RPS6KC1: variants seen among roughly 807,000 people sequenced by gnomAD.
The protein encoded by RPS6KC1 is ribosomal protein S6 kinase C1.
RPS6KC1 carries 54 observed loss-of-function variants against 103.8 expected under a neutral mutation model. The observed-to-expected ratio is 0.52, with a 90% confidence interval of 0.42 to 0.65. The LOEUF (loss-of-function observed/expected upper bound fraction) is 0.65, where lower values mean the gene tolerates loss of function less well. RPS6KC1 is among the 30% of genes least tolerant of loss of function. RPS6KC1 has a pLI of 0.00. For synonymous variants in RPS6KC1, 439 were observed against 438.7 expected, an observed-to-expected ratio of 1.00 and a Z score of -0.01; for missense variants, 1,151 against 1,253.8, an observed-to-expected ratio of 0.92 and a Z score of 1.24.
the RPS6KC1 span, among the ~76,000 whole-genome samples, chr1:213,776,908 T>G: frequency 0.8 from 121,162 of 152,140 alleles, 48,864 homozygotes; most frequent in East Asian, 0.98. Context: ...TGTACTTTAT[T>G]TTATGGAGAT....
chr1:213,260,771 A>T (rs1283741869), intron 12 of RPS6KC1, among the ~76,000 whole-genome samples: 2 of 151,998 alleles, frequency 1.3e-5, no homozygotes, highest in Non-Finnish European at 2.9e-5. Context: ...AAAAAAAAAA[A>T]AAAGGTGAAA....
chr1:213,843,781 G>T, the RPS6KC1 span, among the ~76,000 whole-genome samples: 3 of 152,170 alleles, frequency 2.0e-5, no homozygotes, highest in African/African-American at 7.2e-5. Flanking sequence ...ATAAGAGAAA[G>T]ATGATTTTCT....
chr1:213,458,795 G>C, the RPS6KC1 span, among the ~76,000 whole-genome samples: 9 of 152,144 alleles, frequency 5.9e-5, no homozygotes, highest in Non-Finnish European at 8.8e-5. Context: ...TCAATACCTA[G>C]TTTATTGAGG....
chr1:213,171,270 A>T (rs1457133533), intron 7 of RPS6KC1, among the ~76,000 whole-genome samples: 1 of 152,032 alleles, frequency 6.6e-6, no homozygotes, highest in African/African-American at 2.4e-5. Context: ...AAGAAAATTT[A>T]GGAGCAGGTT....
At chr1:213,861,302 C>A in the RPS6KC1 span, among the ~76,000 whole-genome samples, 2 of 152,124 alleles carry the variant, frequency 1.3e-5, no homozygotes, top group African/African-American at 2.4e-5. Flanking sequence ...GCTAAACAAA[C>A]TCCCCAAATG....
chr1:213,360,003 T>G, the RPS6KC1 span, among the ~76,000 whole-genome samples: 14 of 152,200 alleles, frequency 9.2e-5, no homozygotes, highest in Non-Finnish European at 2.1e-4. Context: ...TTTCCTTCAT[T>G]TCAACTTTGG....
chr1:213,385,982 ATGTT>A, the RPS6KC1 span, among the ~76,000 whole-genome samples: 136 of 152,234 alleles, frequency 8.9e-4, no homozygotes, highest in African/African-American at 3.2e-3. Flanking sequence ...TGTAGTTTGA[ATGTT>A]TGTGCCCCTA....
Position 213,236,539 on chromosome 1 carries a change from A to G in RPS6KC1, c.1226-4163A>G, listed in dbSNP as rs78002179. 9.2e-3 allele frequency among the ~76,000 whole-genome samples: 1,407 copies of G among 152,300 alleles called. 43 individuals are homozygous for G. The highest frequency in any genetic ancestry group is 0.071 in the East Asian group (368 of 5,186). On this transcript the variant is annotated intron_variant, in intron 10 of 14. Coordinates refer to ENST00000366960, the MANE Select transcript of RPS6KC1 (RefSeq NM_012424.6). ...AGGAGAGAGGTTTAAAATATTTACT[A>G]TTGCTTTTAATAAAGCCCTTTCTTA...
chr1:213,701,071 G>T, the RPS6KC1 span, among the ~76,000 whole-genome samples: 1 of 152,120 alleles, frequency 6.6e-6, no homozygotes, highest in African/African-American at 2.4e-5. Flanking sequence ...GATTACTCTA[G>T]CTAGGACTTC....
At chr1:213,664,060 G>A in the RPS6KC1 span, among the ~76,000 whole-genome samples, 4,224 of 152,238 alleles carry the variant, frequency 0.028, 101 homozygotes, top group East Asian at 0.087. Flanking sequence ...TGCAGATGCC[G>A]CAGGTCACAG....
chr1:213,096,668 G>T (rs1288333889), intron 3 of RPS6KC1, among the ~76,000 whole-genome samples: 1 of 142,626 alleles, frequency 7.0e-6, no homozygotes, highest in Non-Finnish European at 1.5e-5. Context: ...CTGTATCAAA[G>T]AAAAAAAAAA....
At chr1:213,569,157 G>A in the RPS6KC1 span, among the ~76,000 whole-genome samples, 1 of 152,210 alleles carries the variant, frequency 6.6e-6, no homozygotes, top group African/African-American at 2.4e-5. Context: ...CAGGCAGGCA[G>A]TGCCAGCCAT....
the RPS6KC1 span, among the ~76,000 whole-genome samples, chr1:213,558,437 A>G: frequency 6.6e-6 from 1 of 152,136 alleles, no homozygotes; most frequent in African/African-American, 2.4e-5. Context: ...ATTATCTACC[A>G]TTTGGGGTAC....
chr1:213,296,282 A>G, the RPS6KC1 span, among the ~76,000 whole-genome samples: 1 of 152,204 alleles, frequency 6.6e-6, no homozygotes, highest in Non-Finnish European at 1.5e-5. Flanking sequence ...GACAATACAC[A>G]CCCAGATTGT....
At chr1:213,828,414 T>A in the RPS6KC1 span, among the ~76,000 whole-genome samples, 1 of 152,156 alleles carries the variant, frequency 6.6e-6, no homozygotes. Context: ...TGGAAATGAA[T>A]GGATATCTCA....
downstream of RPS6KC1, among the ~76,000 whole-genome samples, chr1:213,275,568 A>T (rs1008199459): frequency 6.6e-6 from 1 of 152,244 alleles, no homozygotes. Context: ...TCAACTTGTT[A>T]TAATGACAAC....
At chr1:213,823,184 T>C in the RPS6KC1 span, among the ~76,000 whole-genome samples, 1 of 152,196 alleles carries the variant, frequency 6.6e-6, no homozygotes, top group African/African-American at 2.4e-5. Flanking sequence ...CTGGAAAAGC[T>C]TTCATAGACC....
the RPS6KC1 span, among the ~76,000 whole-genome samples, chr1:213,301,710 T>C: frequency 3.0e-3 from 413 of 136,364 alleles, 2 homozygotes; most frequent in Non-Finnish European, 4.4e-3. Flanking sequence ...TATTTATTTA[T>C]TTATTTATTT....
chr1:213,509,955 A>G, the RPS6KC1 span, among the ~76,000 whole-genome samples: 1 of 152,200 alleles, frequency 6.6e-6, no homozygotes, highest in Non-Finnish European at 1.5e-5. Context: ...ACATTTATCA[A>G]ACAGCAAGAT....
Sources: gnomAD v4.1 joint callset for allele counts (sites outside exome capture counted in the v4.1 genomes callset) on GRCh38, gnomAD v4.1.1 for gene constraint, MANE v1.5 for transcripts, NCBI Gene and HGNC (gene_info 2026-07-23, HGNC 2026-07-21) for gene names.